The following MYBPC1 variants were observed in gnomAD, a reference collection of about 807,000 sequenced individuals.
MYBPC1 encodes the protein myosin-binding protein C, slow-type.
A neutral mutation model predicts 147.1 loss-of-function variants in MYBPC1; 52 were observed. The observed-to-expected ratio is 0.35, with a 90% CI of 0.28 to 0.45. The LOEUF (loss-of-function observed/expected upper bound fraction) is 0.45, where lower values mean the gene tolerates loss of function less well. MYBPC1 is among the 20% of genes least tolerant of loss of function. The pLI, the probability that MYBPC1 is intolerant of heterozygous loss-of-function variation, is 1.00. For missense variants in MYBPC1, 1,228 were observed against 1,440.3 expected (o/e 0.85, Z 2.39); for synonymous variants, 477 against 475.9 (o/e 1.00, Z -0.03).
chr12:101,680,581 ATTATTGTTCTTAATGC>A (rs1364008500), intron 29 of MYBPC1, 52 bp downstream of exon 29: 5 of 1,594,968 alleles, frequency 3.1e-6, no homozygotes, highest in Non-Finnish European at 4.3e-6. Flanking sequence ...AAATCATTGA[ATTATTGTTCTTAATGC>A]TTATTGTTCT....
chr12:101,647,712 T>C (rs1893507407), intron 13 of MYBPC1, among the ~76,000 whole-genome samples: 1 of 152,012 alleles, frequency 6.6e-6, no homozygotes, highest in Admixed American at 6.6e-5. Context: ...TGTGGTAAAA[T>C]CTCGTCTCTA....
At chr12:101,627,866 T>A in intron 5 of MYBPC1, 62 bp downstream of exon 5, 1 of 1,504,446 alleles carries the variant, frequency 6.6e-7, no homozygotes, top group Non-Finnish European at 9.3e-7. Context: ...AATGAGCTCA[T>A]TTCTTGAAGC....
downstream of MYBPC1, among the ~76,000 whole-genome samples, chr12:101,687,336 T>A (rs1310356173): frequency 6.6e-6 from 1 of 152,162 alleles, no homozygotes; most frequent in Non-Finnish European, 1.5e-5. Context: ...TGTTTTTTTG[T>A]CCTTGCAATA....
chr12:101,625,929 C>CA (rs926912742), intron 3 of MYBPC1, among the ~76,000 whole-genome samples: 19 of 149,226 alleles, frequency 1.3e-4, no homozygotes, highest in African/African-American at 3.2e-4. Context: ...ACCAAAAATG[C>CA]AAAAAAAAAT....
intron 10 of MYBPC1, among the ~76,000 whole-genome samples, chr12:101,640,670 A>G (rs538739728): frequency 1.2e-4 from 19 of 152,146 alleles, no homozygotes; most frequent in Admixed American, 3.3e-4. Context: ...CACTGGGCAA[A>G]AAGACTTACA....
At chr12:101,610,685 T>C (rs550409230) in intron 1 of MYBPC1, among the ~76,000 whole-genome samples, 2 of 152,302 alleles carry the variant, frequency 1.3e-5, no homozygotes, top group South Asian at 4.1e-4. Context: ...GAAATCGATG[T>C]GCACCCCACT....
At chr12:101,693,235 C>G in the MYBPC1 span, among the ~76,000 whole-genome samples, 66 of 152,228 alleles carry the variant, frequency 4.3e-4, no homozygotes, top group Non-Finnish European at 7.4e-4. Flanking sequence ...CGTGAGCCAC[C>G]GCGCCCAGCC....
At chr12:101,613,101 A>G (rs748856311) in intron 1 of MYBPC1, among the ~76,000 whole-genome samples, 4 of 152,220 alleles carry the variant, frequency 2.6e-5, no homozygotes, top group Admixed American at 2.6e-4. Flanking sequence ...CATCTGAATA[A>G]AAGTTTTTAA....
chr12:101,670,597 A>G (rs942974976), intron 24 of MYBPC1, among the ~76,000 whole-genome samples, 188 bp downstream of exon 24: 5 of 152,240 alleles, frequency 3.3e-5, no homozygotes, highest in African/African-American at 1.2e-4. Flanking sequence ...AGAGAAATCT[A>G]TAGAAACCAT....
At chr12:101,635,477 A>T (rs1257730163) in intron 9 of MYBPC1, among the ~76,000 whole-genome samples, 1 of 140,512 alleles carries the variant, frequency 7.1e-6, no homozygotes. Context: ...ATTACTTTGA[A>T]AAGTTATTTA....
At chr12:101,604,108 T>C (rs1056258515) in intron 1 of MYBPC1, among the ~76,000 whole-genome samples, 1 of 152,214 alleles carries the variant, frequency 6.6e-6, no homozygotes, top group Non-Finnish European at 1.5e-5. Flanking sequence ...TTTGATTCTT[T>C]AAAACATGGT....
the MYBPC1 span, among the ~76,000 whole-genome samples, chr12:101,692,993 C>T: frequency 6.9e-6 from 1 of 144,874 alleles, no homozygotes; most frequent in Admixed American, 7.3e-5. Flanking sequence ...GTCGCCCAGG[C>T]TAGAGTGCAG....
intron 1 of MYBPC1, among the ~76,000 whole-genome samples, chr12:101,597,192 T>A (rs1877631745): frequency 6.6e-6 from 1 of 152,214 alleles, no homozygotes. Flanking sequence ...TGATTGCATA[T>A]AAGCCTCCCT....
chr12:101,633,264 C>T (rs1890277542), intron 8 of MYBPC1, among the ~76,000 whole-genome samples: 1 of 152,140 alleles, frequency 6.6e-6, no homozygotes, highest in Non-Finnish European at 1.5e-5. Flanking sequence ...GTCAGGCATA[C>T]ATGGCTTGTT....
intron 1 of MYBPC1, among the ~76,000 whole-genome samples, chr12:101,605,268 A>G (rs910984233): frequency 1.3e-5 from 2 of 152,194 alleles, no homozygotes; most frequent in African/African-American, 4.8e-5. Flanking sequence ...TTCAAAATCA[A>G]TGTAAGGTTT....
At chr12:101,692,947 C>CTT in the MYBPC1 span, among the ~76,000 whole-genome samples, 63,984 of 128,896 alleles carry the variant, frequency 0.5, 17,327 homozygotes, top group Non-Finnish European at 0.59. Flanking sequence ...ATTACCTTCA[C>CTT]TTTTTTTTTT....
chr12:101,693,520 C>A, the MYBPC1 span, among the ~76,000 whole-genome samples: 1 of 152,110 alleles, frequency 6.6e-6, no homozygotes, highest in Non-Finnish European at 1.5e-5. Context: ...GCGGGAGGAT[C>A]ATTTGGGGTC....
At chr12:101,614,849 GA>G (rs1885465307) in intron 2 of MYBPC1, 1 of 418,312 alleles carries the variant, frequency 2.4e-6, no homozygotes, top group Admixed American at 3.7e-5. Context: ...CCAAGGGGCT[GA>G]AGAATTTGTG....
downstream of MYBPC1, among the ~76,000 whole-genome samples, chr12:101,689,674 T>G (rs907148890): frequency 2.0e-5 from 3 of 152,182 alleles, no homozygotes; most frequent in Admixed American, 6.5e-5. Flanking sequence ...AAGGTATTCA[T>G]CATGGAATTA....
Sources: gnomAD v4.1 joint callset for allele counts (sites outside exome capture counted in the v4.1 genomes callset) on GRCh38, gnomAD v4.1.1 for gene constraint, MANE v1.5 for transcripts, NCBI Gene and HGNC (gene_info 2026-07-23, HGNC 2026-07-21) for gene names.